Variants in HS1BP3 observed in about 807,000 individuals in gnomAD.
HS1BP3 encodes HCLS1-binding protein 3.
A neutral mutation model predicts 33.5 loss-of-function variants in HS1BP3; 32 were observed. That is an observed-to-expected ratio of 0.95 (90% CI 0.72 to 1.28). HS1BP3 has a LOEUF of 1.28. HS1BP3 is among the 50% of genes most tolerant of loss of function. HS1BP3 has a pLI of 0.00. For synonymous variants in HS1BP3, 187 were observed against 209.2 expected, an observed-to-expected ratio of 0.89 and a Z score of 0.92; for missense variants, 486 against 502.3, an observed-to-expected ratio of 0.97 and a Z score of 0.31.
At chr2:20,566,795 C>T (rs1025809172) in intron 5 of HS1BP3, among the ~76,000 whole-genome samples, 11 of 151,962 alleles carry the variant, frequency 7.2e-5, no homozygotes, top group African/African-American at 2.7e-4. Context: ...TTAGTAGAGA[C>T]GGGGTTTCAC....
Position 20,564,455 on chromosome 2 carries a change from C to A in HS1BP3, c.303-3940G>T, listed in dbSNP as rs150599183. On this transcript the variant is annotated intron_variant, in intron 5 of 5. Transcript: ENST00000446825. ...TGTCACTTTATTCTTTTTCTAGTTC[C>A]AGAAATAGTCTTTCTGGTTTTTTGT... is the stretch of plus-strand genomic sequence containing the variant. Among the ~76,000 whole-genome samples the A allele has an allele frequency of 3.1e-3, 466 of 152,272 alleles. 11 individuals carry two copies. The highest frequency in any genetic ancestry group is 0.028 in the Admixed American group (421 of 15,286).
intron 3 of HS1BP3, among the ~76,000 whole-genome samples, chr2:20,638,912 T>G (rs1695254016): frequency 6.6e-6 from 1 of 151,452 alleles, no homozygotes; most frequent in Non-Finnish European, 1.5e-5. Flanking sequence ...TGGAGTGGAG[T>G]GGTCACAAGT....
chr2:20,642,220 C>T (rs550648681), intron 2 of HS1BP3, among the ~76,000 whole-genome samples: 30 of 152,342 alleles, frequency 2.0e-4, no homozygotes, highest in Non-Finnish European at 2.4e-4. Flanking sequence ...GGAGTGCTGG[C>T]GTGCAGGGGC....
chr2:20,624,056 G>A (rs2305460), intron 5 of HS1BP3, 25 bp from the exon 6 acceptor site: 86,399 of 1,607,804 alleles, frequency 0.054, 2,539 homozygotes, highest in African/African-American at 0.06. Context: ...CAGCAGGGGG[G>A]TCAGAGGAAG....
chr2:20,558,204 A>G (rs1415589343), downstream of HS1BP3, among the ~76,000 whole-genome samples: 1 of 152,062 alleles, frequency 6.6e-6, no homozygotes, highest in Non-Finnish European at 1.5e-5. Context: ...TCTGAAGGAG[A>G]AGAGGTGGGA....
At chr2:20,614,615 T>C (rs1402102267), downstream of HS1BP3, among the ~76,000 whole-genome samples, 2 of 152,226 alleles carry the variant, frequency 1.3e-5, no homozygotes, top group African/African-American at 2.4e-5. Flanking sequence ...TAGGTGCCCA[T>C]TACGTGCTTA....
chr2:20,581,458 T>A (rs1235807936), intron 5 of HS1BP3, among the ~76,000 whole-genome samples: 3 of 152,212 alleles, frequency 2.0e-5, no homozygotes, highest in Non-Finnish European at 4.4e-5. Flanking sequence ...CAAGCAATTC[T>A]CCTCCCTCAG....
At chr2:20,606,340 T>C (rs2149284579) in intron 2 of HS1BP3, 1 of 474,402 alleles carries the variant, frequency 2.1e-6, no homozygotes, top group East Asian at 5.3e-5. Flanking sequence ...TATAAATTAC[T>C]TGAACTCTGC....
At chr2:20,554,354 A>T in the HS1BP3 span, among the ~76,000 whole-genome samples, 1 of 152,286 alleles carries the variant, frequency 6.6e-6, no homozygotes, top group African/African-American at 2.4e-5. Flanking sequence ...ACACACATTC[A>T]TGCAGCATAT....
downstream of HS1BP3, among the ~76,000 whole-genome samples, chr2:20,614,163 A>G (rs1694371091): frequency 6.6e-6 from 1 of 152,198 alleles, no homozygotes; most frequent in East Asian, 1.9e-4. Context: ...AGGGACCCCA[A>G]GTGTTGCCAG....
chr2:20,640,758 C>A (rs1469492628), intron 3 of HS1BP3: 1 of 618,330 alleles, frequency 1.6e-6, no homozygotes, highest in Admixed American at 2.9e-5. Flanking sequence ...CTGTGTGAGC[C>A]CCCACCTGAC....
chr2:20,646,843 G>A (rs563368642), intron 1 of HS1BP3, among the ~76,000 whole-genome samples: 7 of 152,332 alleles, frequency 4.6e-5, no homozygotes, highest in South Asian at 2.1e-4. Context: ...AGTCACTTCC[G>A]CCTCCTGCAA....
chr2:20,640,259 A>G (rs1695297777), intron 3 of HS1BP3: 1 of 152,454 alleles, frequency 6.6e-6, no homozygotes, highest in Non-Finnish European at 1.5e-5. Flanking sequence ...GACAGGACTA[A>G]CCGAGGAGTG....
chr2:20,618,726 T>C lies in HS1BP3; in HGVS notation c.*261A>G, dbSNP rs1572337421. The C allele has an allele frequency of 8.4e-7, 1 of 1,196,416 alleles. No homozygotes were observed. Among genetic ancestry groups the C allele is most frequent in the Non-Finnish European group, 1.1e-6 (1 of 948,774 alleles). The allele number at this position is 1,196,416 out of a possible 1,614,324, so 74.1% of individuals were successfully genotyped here. A position where few individuals can be genotyped will look rare whatever the true frequency, so the allele number is the denominator to read the frequency against. ...TGGCAAGGCATCCCCACACCCTCCCTCCCCTTCATGTCCACGGGGAATAAG... is the reference window on the plus strand; with the variant it reads ...TGGCAAGGCATCCCCACACCCTCCCCCCCCTTCATGTCCACGGGGAATAAG... On this transcript the variant is annotated 3_prime_UTR_variant, in exon 7 of 7. Coordinates refer to ENST00000304031, the MANE Select transcript of HS1BP3 (RefSeq NM_022460.4).
intron 5 of HS1BP3, among the ~76,000 whole-genome samples, chr2:20,562,169 C>T (rs559765445): frequency 3.3e-5 from 5 of 152,316 alleles, no homozygotes; most frequent in Admixed American, 2.0e-4. Flanking sequence ...TTGGACTCCT[C>T]TGTAACATCC....
downstream of HS1BP3, among the ~76,000 whole-genome samples, chr2:20,614,075 G>A (rs543242734): frequency 2.3e-4 from 35 of 152,270 alleles, 1 homozygote; most frequent in Admixed American, 1.8e-3. Flanking sequence ...AGAAGACACC[G>A]TGTGAAGACA....
chr2:20,642,783 A>G (rs1022176877), intron 2 of HS1BP3, among the ~76,000 whole-genome samples: 4 of 152,246 alleles, frequency 2.6e-5, no homozygotes, highest in African/African-American at 9.6e-5. Context: ...AGGCCAAGTA[A>G]GAGACCCTGA....
At chr2:20,582,631 G>A (rs1693561764) in intron 5 of HS1BP3, among the ~76,000 whole-genome samples, 1 of 152,002 alleles carries the variant, frequency 6.6e-6, no homozygotes. Context: ...TGGCATCAGG[G>A]GACCCCACCC....
downstream of HS1BP3, among the ~76,000 whole-genome samples, chr2:20,613,688 C>T (rs142596891): frequency 6.7e-3 from 1,013 of 152,260 alleles, 16 homozygotes; most frequent in African/African-American, 0.023. Context: ...AATGATGGCC[C>T]GTGGTGGGTG....
Sources: allele counts gnomAD v4.1 joint callset (sites outside exome capture counted in the v4.1 genomes callset), GRCh38; gene constraint gnomAD v4.1.1; transcripts MANE v1.5; gene names NCBI Gene and HGNC (gene_info 2026-07-23, HGNC 2026-07-21).